Variants in ACP7 observed in about 807,000 individuals in gnomAD.
The protein encoded by ACP7 is acid phosphatase type 7.
Under a neutral mutation model 60.6 loss-of-function variants are expected in ACP7, and 58 were observed. The observed-to-expected ratio is 0.96, with a 90% CI of 0.77 to 1.19. ACP7 has a LOEUF of 1.19. Ranked by LOEUF, ACP7 falls within the 50% of genes most tolerant of loss-of-function variation. The probability of loss-of-function intolerance (pLI) is 0.00; values close to 1 mark genes in which losing one functional copy is unlikely to be tolerated. For synonymous variants in ACP7, 237 were observed against 232.6 expected (o/e 1.02, Z -0.17); for missense variants, 574 against 596.2 (o/e 0.96, Z 0.39).
chr19:39,090,984 A>G (rs1479275000), intron 2 of ACP7, among the ~76,000 whole-genome samples: 1 of 151,948 alleles, frequency 6.6e-6, no homozygotes, highest in African/African-American at 2.4e-5. Flanking sequence ...TGATTGTCCC[A>G]GATTTGGTCT....
chr19:39,092,313 G>T (rs1283724687), intron 2 of ACP7, among the ~76,000 whole-genome samples: 1 of 152,148 alleles, frequency 6.6e-6, no homozygotes, highest in Non-Finnish European at 1.5e-5. Flanking sequence ...GGCAGAGGTT[G>T]CAGTGAGCCG....
chr19:39,088,797 G>A (rs1190780873), intron 2 of ACP7, among the ~76,000 whole-genome samples: 1 of 152,130 alleles, frequency 6.6e-6, no homozygotes, highest in African/African-American at 2.4e-5. Flanking sequence ...CCAGGCTGGA[G>A]TGCAGTGGTG....
At chr19:39,101,654 C>G in intron 11 of ACP7, 117 bp downstream of exon 11, 1 of 1,192,166 alleles carries the variant, frequency 8.4e-7, no homozygotes, top group Non-Finnish European at 1.2e-6. Context: ...TAACCCTCAG[C>G]CCTAAGGTCG....
chr19:39,093,218 C>T (rs899827219), intron 2 of ACP7, among the ~76,000 whole-genome samples: 36 of 122,264 alleles, frequency 2.9e-4, no homozygotes, highest in African/African-American at 1.1e-3. Context: ...TTCTCTCCCT[C>T]TCTCTCTCTT....
rs1037415564 is a variant in ACP7 at position 39,102,122 on chromosome 19, A to T, written c.1113+585A>T. Reference sequence around the variant, plus strand: ...GCAACAAAATGAGACCCTTTCTCTCACACACACACACACACACACACACAC... The same window carrying T: ...GCAACAAAATGAGACCCTTTCTCTCTCACACACACACACACACACACACAC... On this transcript the variant is annotated intron_variant, in intron 11 of 12. Transcript: ENST00000331256. 4.3e-4 allele frequency among the ~76,000 whole-genome samples: 61 copies of T among 141,820 alleles called. 1 individual carries two copies. Among genetic ancestry groups the T allele is most frequent in the Admixed American group, 2.6e-3 (37 of 14,252 alleles). The allele number at this position is 141,820 out of a possible 152,430, so 93.0% of individuals were successfully genotyped here.
chr19:39,095,471 G>C (rs1383065633), intron 2 of ACP7, among the ~76,000 whole-genome samples: 1 of 152,238 alleles, frequency 6.6e-6, no homozygotes, highest in African/African-American at 2.4e-5. Flanking sequence ...TGATGCAAGA[G>C]GTGGGTTCCC....
rs1396119822 is a variant in ACP7, at chr19:39,099,235, C to A, written c.505+93C>A. 5.4e-6 allele frequency: 7 copies of A among 1,298,940 alleles called. No homozygotes were observed. The African/African-American group carries it at 6.6e-5, about 12-fold the overall frequency. The allele number at this position is 1,298,940 out of a possible 1,614,324, so 80.5% of individuals were successfully genotyped here. ...GGGTCGGGGGCGCGCGGGTCGGGGGCGGTGCTAGGACCGTGGAGGGGACAG... is the reference window on the plus strand; with the variant it reads ...GGGTCGGGGGCGCGCGGGTCGGGGGAGGTGCTAGGACCGTGGAGGGGACAG... On this transcript the variant is annotated intron_variant, in intron 4 of 12. Transcript: ENST00000331256.
At chr19:39,084,536 AG>A (rs5828026) in intron 1 of ACP7, 136 bp downstream of exon 1, 61,152 of 142,706 alleles carry the variant, frequency 0.43, 14,061 homozygotes, top group African/African-American at 0.59. Context: ...GGGGAAGGGC[AG>A]GGACGCTGGG....
intron 5 of ACP7, 100 bp downstream of exon 5, chr19:39,100,450 C>G (rs1600265472): frequency 1.9e-6 from 3 of 1,599,656 alleles, no homozygotes; most frequent in Non-Finnish European, 2.6e-6. Flanking sequence ...TGCAACATTT[C>G]AATTGTGGTA....
At chr19:39,085,064 G>A (rs1309929671) in intron 1 of ACP7, 28 bp from the exon 2 acceptor site, 3 of 563,122 alleles carry the variant, frequency 5.3e-6, no homozygotes, top group Non-Finnish European at 9.1e-6. Flanking sequence ...GTTCCTTAGC[G>A]ATTCTTATTT....
At chr19:39,106,035 C>G (rs1395980167) in intron 11 of ACP7, among the ~76,000 whole-genome samples, 1 of 152,202 alleles carries the variant, frequency 6.6e-6, no homozygotes, top group African/African-American at 2.4e-5. Flanking sequence ...CTCAAACTTT[C>G]CCTGCTAGTT....
chr19:39,087,499 G>C (rs2073155756), intron 2 of ACP7, among the ~76,000 whole-genome samples: 1 of 151,322 alleles, frequency 6.6e-6, no homozygotes, highest in Admixed American at 6.6e-5. Context: ...GCTCTGTCAG[G>C]GTTTGGCACT....
chr19:39,097,021 C>T lies in ACP7; in HGVS notation c.122-1437C>T, dbSNP rs143242181. Among the ~76,000 whole-genome samples, 1,220 of 152,214 alleles carry T rather than the reference C, an allele frequency of 8.0e-3. 23 individuals are homozygous for T. The highest frequency in any genetic ancestry group is 0.028 in the African/African-American group (1,165 of 41,522). On this transcript the variant is annotated intron_variant, in intron 2 of 12. Transcript: ENST00000331256. The stretch of plus-strand genomic sequence containing the variant: ...TTCACCATGTTGGCCAGGATGGTCT[C>T]GATCTCCTGACCTCGTGATCTGCCC...
intron 2 of ACP7, among the ~76,000 whole-genome samples, chr19:39,098,021 T>G (rs1365121133): frequency 6.6e-6 from 1 of 151,634 alleles, no homozygotes; most frequent in Non-Finnish European, 1.5e-5. Context: ...GAGGCCAAGG[T>G]GGGTGGATCA....
At chr19:39,088,892 C>T (rs1417573378) in intron 2 of ACP7, among the ~76,000 whole-genome samples, 3 of 151,596 alleles carry the variant, frequency 2.0e-5, no homozygotes, top group Non-Finnish European at 4.4e-5. Flanking sequence ...ACTACCAGCG[C>T]GCATCACCAT....
intron 2 of ACP7, among the ~76,000 whole-genome samples, chr19:39,089,205 A>G (rs2073177537): frequency 6.6e-6 from 1 of 152,120 alleles, no homozygotes. Flanking sequence ...CTGGGATTAC[A>G]GGCATGAGCC....
At chr19:39,098,908 G>A (rs57824661) in intron 3 of ACP7, 52 bp from the exon 4 acceptor site, 379,261 of 1,175,722 alleles carry the variant, frequency 0.32, 47,604 homozygotes, top group East Asian at 0.43. Flanking sequence ...GGGGTTGGAG[G>A]GAGGGTCCCG....
chr19:39,096,371 A>C (rs2073266273), intron 2 of ACP7, among the ~76,000 whole-genome samples: 1 of 152,222 alleles, frequency 6.6e-6, no homozygotes, highest in Admixed American at 6.5e-5. Flanking sequence ...AAAATCCACC[A>C]GTCTCTTTGC....
intron 4 of ACP7, among the ~76,000 whole-genome samples, chr19:39,099,599 CTG>C (rs2073315716): frequency 6.6e-6 from 1 of 152,054 alleles, no homozygotes; most frequent in African/African-American, 2.4e-5. Context: ...AGTGCAGACT[CTG>C]GAATCAGGCT....
Sources: gnomAD v4.1 joint callset for allele counts (sites outside exome capture counted in the v4.1 genomes callset) on GRCh38, gnomAD v4.1.1 for gene constraint, MANE v1.5 for transcripts, NCBI Gene and HGNC (gene_info 2026-07-23, HGNC 2026-07-21) for gene names.